The following CCDC122 variants were observed in gnomAD, a reference collection of about 807,000 sequenced individuals.
CCDC122 encodes the protein coiled-coil domain containing 122.
Under a neutral mutation model 37.0 loss-of-function variants are expected in CCDC122, and 38 were observed. That is an observed-to-expected ratio of 1.03 (90% CI 0.79 to 1.35). The LOEUF (loss-of-function observed/expected upper bound fraction) is 1.35, where lower values mean the gene tolerates loss of function less well. Ranked by LOEUF, CCDC122 falls within the 40% of genes most tolerant of loss-of-function variation. The pLI, the probability that CCDC122 is intolerant of heterozygous loss-of-function variation, is 0.00. For synonymous variants in CCDC122, 83 were observed against 95.6 expected (o/e 0.87, Z 0.77); for missense variants, 305 against 310.0 (o/e 0.98, Z 0.12).
At chr13:43,872,154 A>C (rs976287520) in intron 2 of CCDC122, among the ~76,000 whole-genome samples, 2 of 151,920 alleles carry the variant, frequency 1.3e-5, no homozygotes, top group African/African-American at 4.8e-5. Context: ...GTATTTTGAC[A>C]GTATGTGCTG....
intron 6 of CCDC122, 46 bp from the exon 7 acceptor site, chr13:43,837,475 T>G: frequency 6.5e-7 from 1 of 1,540,578 alleles, no homozygotes; most frequent in Admixed American, 2.0e-5. Context: ...GAAGTATAAA[T>G]AGTAAACAGC....
intron 4 of CCDC122, among the ~76,000 whole-genome samples, chr13:43,864,462 G>A (rs1442006238): frequency 2.6e-5 from 4 of 152,140 alleles, no homozygotes; most frequent in African/African-American, 9.7e-5. Context: ...AGGGCCTCAG[G>A]CTGCTTCTAC....
chr13:43,858,877 C>A lies in CCDC122; in HGVS notation c.576G>T (p.Lys192Asn). The change falls in exon 6 of 7, where the codon AAG (lysine) becomes AAT (asparagine). Residue 192 changes from lysine (K) to asparagine (N), a missense_variant. Physicochemically the swap from Lys to Asn is moderately conservative, Grantham distance 94. Coordinates refer to ENST00000444614, the MANE Select transcript of CCDC122 (RefSeq NM_144974.5). ...ATTCTTTTACAGTTATAATTTTATCCTTTAAGTTTGTAATGTCTTCCTGTA... is the reference window on the plus strand; with the variant it reads ...ATTCTTTTACAGTTATAATTTTATCATTTAAGTTTGTAATGTCTTCCTGTA... ...TQVQEDITNL[K>N]DKIITVKESI... The A allele has an allele frequency of 7.2e-7, 1 of 1,397,766 alleles. No individual in the cohort carries two copies. Among genetic ancestry groups the A allele is most frequent in the Non-Finnish European group, 9.6e-7 (1 of 1,043,292 alleles). The allele number at this position is 1,397,766 out of a possible 1,614,324, so 86.6% of individuals were successfully genotyped here.
chr13:43,849,350 T>C (rs993704806), intron 6 of CCDC122, among the ~76,000 whole-genome samples: 3 of 152,166 alleles, frequency 2.0e-5, no homozygotes, highest in African/African-American at 4.8e-5. Flanking sequence ...TTTACCAATT[T>C]ATACTACTGC....
chr13:43,865,548 A>G (rs1485490363), intron 4 of CCDC122, among the ~76,000 whole-genome samples: 2 of 152,184 alleles, frequency 1.3e-5, no homozygotes, highest in African/African-American at 4.8e-5. Flanking sequence ...CAACAAAATA[A>G]TTATAACGAT....
intron 1 of CCDC122, among the ~76,000 whole-genome samples, chr13:43,876,993 C>A (rs1195890299): frequency 6.6e-6 from 1 of 152,132 alleles, no homozygotes; most frequent in African/African-American, 2.4e-5. Flanking sequence ...CGCCTGTAAT[C>A]CTAGCTACTT....
intron 6 of CCDC122, among the ~76,000 whole-genome samples, chr13:43,839,078 T>C (rs539667970): frequency 1.3e-5 from 2 of 152,274 alleles, no homozygotes; most frequent in Non-Finnish European, 2.9e-5. Flanking sequence ...AGTGGATGGG[T>C]GGTGCAAGGT....
intron 1 of CCDC122, among the ~76,000 whole-genome samples, chr13:43,878,770 C>T (rs1954749374): frequency 6.6e-6 from 1 of 152,268 alleles, no homozygotes; most frequent in South Asian, 2.1e-4. Context: ...GGGATGAGCG[C>T]CTTTTACTTA....
chr13:43,825,408 A>T (rs1953030041), intron 3 of CCDC122, among the ~76,000 whole-genome samples: 1 of 152,144 alleles, frequency 6.6e-6, no homozygotes, highest in Non-Finnish European at 1.5e-5. Flanking sequence ...GGGTAGGGCA[A>T]GGGCTGAAAA....
At chr13:43,879,028 C>T (rs1435898201) in intron 1 of CCDC122, among the ~76,000 whole-genome samples, 3 of 152,200 alleles carry the variant, frequency 2.0e-5, no homozygotes, top group Non-Finnish European at 4.4e-5. Flanking sequence ...TGGCCCTGGG[C>T]TGCGGTGAGG....
chr13:43,855,627 G>A (rs1007140276), intron 6 of CCDC122: 2 of 151,796 alleles, frequency 1.3e-5, no homozygotes, highest in African/African-American at 2.4e-5. Context: ...TTAGGGAAAT[G>A]TAAATCAAAA....
chr13:43,823,388 T>G (rs1211964350), downstream of CCDC122, among the ~76,000 whole-genome samples: 2 of 152,132 alleles, frequency 1.3e-5, no homozygotes, highest in Non-Finnish European at 2.9e-5. Flanking sequence ...TTCATCTCTG[T>G]GAGCTGCACT....
chr13:43,879,390 C>G (rs1954798480), intron 1 of CCDC122: 1 of 153,230 alleles, frequency 6.5e-6, no homozygotes, highest in South Asian at 2.0e-4. Context: ...CCTTTCCGGA[C>G]TCGGCCTGCC....
intron 6 of CCDC122, among the ~76,000 whole-genome samples, chr13:43,841,515 C>T (rs1038602068): frequency 1.3e-5 from 2 of 152,048 alleles, no homozygotes; most frequent in East Asian, 3.9e-4. Context: ...CATCTTTTCA[C>T]GTGTTTATTG....
At chr13:43,823,054 C>T (rs1953007117), downstream of CCDC122, among the ~76,000 whole-genome samples, 2 of 152,182 alleles carry the variant, frequency 1.3e-5, no homozygotes, top group South Asian at 4.2e-4. Flanking sequence ...TGTCCTAAAT[C>T]ACACCTAAAG....
intron 3 of CCDC122, among the ~76,000 whole-genome samples, chr13:43,829,498 G>T (rs1953069312): frequency 2.6e-5 from 4 of 152,040 alleles, no homozygotes; most frequent in Admixed American, 2.6e-4. Flanking sequence ...TAGAGATGGG[G>T]TTTTGACATG....
At chr13:43,841,085 A>G (rs1298254778) in intron 6 of CCDC122, among the ~76,000 whole-genome samples, 1 of 152,218 alleles carries the variant, frequency 6.6e-6, no homozygotes, top group African/African-American at 2.4e-5. Flanking sequence ...GGTGCAGGAC[A>G]GTGGGTGCAG....
At chr13:43,833,896 C>T (rs767882500), downstream of CCDC122, among the ~76,000 whole-genome samples, 10 of 152,066 alleles carry the variant, frequency 6.6e-5, no homozygotes, top group Non-Finnish European at 1.3e-4. Flanking sequence ...GTGTGTGAAA[C>T]GCCACTAAGC....
intron 6 of CCDC122, among the ~76,000 whole-genome samples, chr13:43,850,685 T>C (rs1337068009): frequency 6.6e-6 from 1 of 152,124 alleles, no homozygotes; most frequent in Non-Finnish European, 1.5e-5. Flanking sequence ...CTTATGAAAC[T>C]ATAACAAAAG....
Sources: gnomAD v4.1 joint callset for allele counts (sites outside exome capture counted in the v4.1 genomes callset) on GRCh38, gnomAD v4.1.1 for gene constraint, MANE v1.5 for transcripts, NCBI Gene and HGNC (gene_info 2026-07-23, HGNC 2026-07-21) for gene names.